Variants in YME1L1 observed in about 807,000 individuals in gnomAD.
The protein encoded by YME1L1 is ATP-dependent zinc metalloprotease YME1L1.
A neutral mutation model predicts 90.4 loss-of-function variants in YME1L1; 39 were observed. That is an observed-to-expected ratio of 0.43 (90% CI 0.33 to 0.56). The LOEUF is 0.56. Among genes scored for constraint, YME1L1 ranks in the 20% least tolerant of loss-of-function variants. The pLI is 0.03. For missense variants in YME1L1, 617 were observed against 868.4 expected (o/e 0.71, Z 3.64); for synonymous variants, 284 against 287.3 (o/e 0.99, Z 0.12).
intron 7 of YME1L1, among the ~76,000 whole-genome samples, chr10:27,132,850 T>TAA (rs1256076703): frequency 6.6e-6 from 1 of 152,018 alleles, no homozygotes; most frequent in South Asian, 2.1e-4. Context: ...AATAAAAAAA[T>TAA]AAAATAAAAT....
chr10:27,136,416 A>G (rs2135880512), intron 4 of YME1L1, 31 bp from the exon 5 acceptor site: 5 of 1,561,070 alleles, frequency 3.2e-6, no homozygotes, highest in Non-Finnish European at 4.4e-6. Flanking sequence ...CACTGTCACT[A>G]TAAATTGTTA....
chr10:27,111,798 T>C lies in YME1L1; in HGVS notation c.*179A>G, dbSNP rs1413583844. ...TTTGCCATGGGATGCTAATTTGCAA[T>C]AGGTGTCATAATGAGAATAACCCAA... On this transcript the variant is annotated 3_prime_UTR_variant, in exon 19 of 19. Transcript: ENST00000376016. The C allele has an allele frequency of 2.6e-6, 2 of 775,110 alleles. No homozygotes were observed. Among genetic ancestry groups the C allele is most frequent in the Admixed American group, 2.0e-5 (1 of 49,848 alleles). 48.0% of individuals were successfully genotyped at this position (775,110 alleles called of 1,614,324 possible). A position where few individuals can be genotyped will look rare whatever the true frequency, so the allele number is the denominator to read the frequency against.
At position 27,151,753 on chromosome 10, in the gene YME1L1, C is replaced by T. The variant is rs557799745; in HGVS notation, c.33+2425G>A. 3.3e-5 allele frequency among the ~76,000 whole-genome samples: 5 copies of T among 152,044 alleles called. No homozygotes were observed. The East Asian group carries it at 7.7e-4, about 24-fold the overall frequency. ...AAAATTAGCCGGGCGTGGTGGCGGG[C>T]GCCTGTGGTCCCAGCTACTTGGGAG... On this transcript the variant is annotated intron_variant, in intron 1 of 18. Transcript: ENST00000376016.
intron 2 of YME1L1, 93 bp downstream of exon 2, chr10:27,148,813 A>C: frequency 6.6e-7 from 1 of 1,521,320 alleles, no homozygotes; most frequent in Non-Finnish European, 8.9e-7. Context: ...ATTTTTGACT[A>C]CGGGGGAGGG....
At chr10:27,136,180 ATATC>A (rs2057025001) in intron 5 of YME1L1, 92 bp downstream of exon 5, 2 of 979,402 alleles carry the variant, frequency 2.0e-6, no homozygotes, top group South Asian at 2.8e-5. Flanking sequence ...AGAAGGAAGA[ATATC>A]TATCAGCCAA....
At chr10:27,147,337 T>C (rs1439833787) in intron 2 of YME1L1, 3 of 1,357,940 alleles carry the variant, frequency 2.2e-6, no homozygotes, top group South Asian at 1.3e-5. Context: ...TTACAAAAAA[T>C]TTAAAAATGA....
rs908794675 is a variant in YME1L1, at chr10:27,129,105, A to C, written c.859-2319T>G. The C allele has an allele frequency of 3.3e-5, 5 of 151,272 alleles. 1 individual carries two copies. The East Asian group carries it at 6.3e-4, about 19-fold the overall frequency. The allele number at this position is 151,272 out of a possible 1,614,324, so 9.4% of individuals were successfully genotyped here. A position where few individuals can be genotyped will look rare whatever the true frequency, so the allele number is the denominator to read the frequency against. ...TGTCTCAAAAAAAAAAAAAAAAAAAAAAAAAAAACTCTCATTCCAAAAGAA... is the reference window on the plus strand; with the variant it reads ...TGTCTCAAAAAAAAAAAAAAAAAAACAAAAAAAACTCTCATTCCAAAAGAA... On this transcript the variant is annotated intron_variant, in intron 8 of 18. Transcript: ENST00000376016.
At chr10:27,144,662 T>C (rs2057123457) in intron 3 of YME1L1, among the ~76,000 whole-genome samples, 1 of 152,188 alleles carries the variant, frequency 6.6e-6, no homozygotes, top group South Asian at 2.1e-4. Flanking sequence ...AGATTAAGTA[T>C]GTTTCCTGGA....
intron 7 of YME1L1, among the ~76,000 whole-genome samples, 181 bp downstream of exon 7, chr10:27,133,858 A>C (rs548062949): frequency 6.6e-6 from 1 of 152,270 alleles, no homozygotes; most frequent in Non-Finnish European, 1.5e-5. Context: ...TTTAAATTTT[A>C]TAATTGGACA....
intron 8 of YME1L1, among the ~76,000 whole-genome samples, chr10:27,128,141 A>G (rs1442591048): frequency 6.6e-6 from 1 of 152,178 alleles, no homozygotes; most frequent in Non-Finnish European, 1.5e-5. Context: ...GCCCTTATTA[A>G]TATTTTTAAG....
chr10:27,149,749 G>A (rs1217898530), intron 1 of YME1L1, among the ~76,000 whole-genome samples: 13 of 99,924 alleles, frequency 1.3e-4, no homozygotes, highest in East Asian at 6.3e-4. Flanking sequence ...AACTACCACA[G>A]AATGAAATAC....
At chr10:27,138,369 G>A (rs887572833) in intron 4 of YME1L1, among the ~76,000 whole-genome samples, 1 of 152,068 alleles carries the variant, frequency 6.6e-6, no homozygotes, top group Non-Finnish European at 1.5e-5. Context: ...TGGGTCATTA[G>A]AGTTTTGATT....
At chr10:27,138,197 TTTTAA>T (rs1221582949) in intron 4 of YME1L1, among the ~76,000 whole-genome samples, 1 of 152,144 alleles carries the variant, frequency 6.6e-6, no homozygotes, top group East Asian at 1.9e-4. Flanking sequence ...AGGTTAAATT[TTTTAA>T]TTTTAGTTAT....
rs2056752425 is a variant in YME1L1 at position 27,110,858 on chromosome 10, G to A, written c.*1119C>T. On this transcript the variant is annotated 3_prime_UTR_variant, in exon 19 of 19. Coordinates refer to ENST00000376016, the MANE Select transcript of YME1L1 (RefSeq NM_014263.4). ...AAAATGCACACAGCATTTCTGAAAG[G>A]TTATAATAATTTATTTAATTTTTTT... The A allele has an allele frequency of 6.6e-6, 1 of 152,006 alleles. No homozygotes were observed. The highest frequency in any genetic ancestry group is 1.5e-5 in the Non-Finnish European group (1 of 67,998). The allele number at this position is 152,006 out of a possible 1,614,324, so 9.4% of individuals were successfully genotyped here.
Position 27,136,320 on chromosome 10 carries a change from C to T in YME1L1, c.496G>A (p.Glu166Lys), listed in dbSNP as rs759573757. 30 of 1,613,744 alleles carry T rather than the reference C, an allele frequency of 1.9e-5. No homozygotes were observed. Among genetic ancestry groups the T allele is most frequent in the Middle Eastern group, 1.6e-4 (1 of 6,062 alleles). Residue 166 changes from glutamate (E) to lysine (K), a missense_variant, in exon 5 of 19, where the codon GAG becomes AAG. By Grantham distance (56) the Glu-to-Lys change is moderately conservative (BLOSUM62 1). Transcript: ENST00000376016. The stretch of plus-strand genomic sequence containing the variant: ...ATATTCTGTGTTTCAGCTAATCTCT[C>T]GGAGGTAGACTGGAGACGTCGTGTC... ...SRTRRLQSTS[E>K]RLAETQNIAP...
chr10:27,126,830 G>A (rs371337996), intron 8 of YME1L1, 44 bp from the exon 9 acceptor site: 16 of 1,159,200 alleles, frequency 1.4e-5, no homozygotes, highest in African/African-American at 9.5e-5. Context: ...TAATGGACAC[G>A]TTTGGTTAGA....
Position 27,117,621 on chromosome 10 carries a change from A to G in YME1L1, c.1674T>C (p.Pro558=). Residue 558 remains proline, a synonymous_variant, in exon 15 of 19, where the codon CCT becomes CCC. Coordinates refer to ENST00000376016, the MANE Select transcript of YME1L1 (RefSeq NM_014263.4). ...IIAYYTKDAM[P]INKATIMPRG... ...GTGGCATGATTGTAGCTTTGTTGAT[A>G]GGCATTGCATCTTTTGTGTAATATG... The G allele has an allele frequency of 6.2e-7, 1 of 1,614,214 alleles. No homozygotes were observed. The highest frequency in any genetic ancestry group is 8.5e-7 in the Non-Finnish European group (1 of 1,180,030).
intron 4 of YME1L1, among the ~76,000 whole-genome samples, chr10:27,141,601 G>GACACACAC (rs60043957): frequency 2.4e-4 from 34 of 141,580 alleles, no homozygotes; most frequent in East Asian, 1.9e-3. Context: ...GATGTCCCTC[G>GACACACAC]ACACACACAC....
chr10:27,145,622 T>G, intron 2 of YME1L1, 32 bp from the exon 3 acceptor site: 2 of 1,562,188 alleles, frequency 1.3e-6, no homozygotes, highest in Non-Finnish European at 1.7e-6. Context: ...AGGTATGCAT[T>G]AATATTATCA....
Sources: allele counts gnomAD v4.1 joint callset (sites outside exome capture counted in the v4.1 genomes callset), GRCh38; gene constraint gnomAD v4.1.1; transcripts MANE v1.5; gene names NCBI Gene and HGNC (gene_info 2026-07-23, HGNC 2026-07-21).